OTC: variants seen among roughly 807,000 people sequenced by gnomAD.
OTC encodes the protein ornithine transcarbamylase, mitochondrial.
OTC carries 3 observed loss-of-function variants against 30.3 expected under a neutral mutation model. The ratio of observed to expected loss-of-function variants is 0.10; its 90% CI spans 0.05 to 0.26. The LOEUF (loss-of-function observed/expected upper bound fraction) is 0.26, where lower values mean the gene tolerates loss of function less well. Among genes scored for constraint, OTC ranks in the 10% least tolerant of loss-of-function variants. OTC has a pLI of 1.00. For missense variants in OTC, 194 were observed against 260.3 expected, an observed-to-expected ratio of 0.75 and a Z score of 1.75; for synonymous variants, 111 against 99.7, an observed-to-expected ratio of 1.11 and a Z score of -0.67.
the OTC span, among the ~76,000 whole-genome samples, chrX:38,332,523 T>TATATATATATATATATATATATATATAC: frequency 1.9e-3 from 164 of 86,320 alleles, 3 homozygotes; most frequent in African/African-American, 5.5e-3. Context: ...TATATATATA[T>TATATATATATATATATATATATATATAC]ATATATATAT....
the OTC span, among the ~76,000 whole-genome samples, chrX:38,340,451 G>GTTTT: frequency 2.7e-5 from 1 of 37,001 alleles, no homozygotes; most frequent in Non-Finnish European, 5.4e-5. Context: ...TCCCTTCATT[G>GTTTT]TTTTTTTGTT....
At chrX:38,369,078 T>C (rs2147324545) in intron 2 of OTC, among the ~76,000 whole-genome samples, 1 of 110,894 alleles carries the variant, frequency 9.0e-6, no homozygotes, top group South Asian at 3.9e-4. Flanking sequence ...TAAGTGAAAG[T>C]TGTAGTGCCC....
At chrX:38,342,446 A>G in the OTC span, among the ~76,000 whole-genome samples, 3 of 111,534 alleles carry the variant, frequency 2.7e-5, no homozygotes, top group African/African-American at 9.8e-5. Context: ...CTCTCACCAC[A>G]TGTGCCAATG....
intron 4 of OTC, among the ~76,000 whole-genome samples, chrX:38,399,619 A>AT (rs2068474783): frequency 1.8e-5 from 2 of 110,422 alleles, no homozygotes; most frequent in Non-Finnish European, 3.8e-5. Context: ...TGTGGTGGCG[A>AT]GCCTGTAATC....
chrX:38,418,444 TATTA>T (rs1221188716), intron 9 of OTC, among the ~76,000 whole-genome samples: 2 of 112,469 alleles, frequency 1.8e-5, no homozygotes, highest in East Asian at 2.8e-4. Context: ...CTCTTCACTT[TATTA>T]ATTGTTTCTT....
chrX:38,420,855 C>CAATA (rs768245659), intron 9 of OTC, among the ~76,000 whole-genome samples, 168 bp from the exon 10 acceptor site: 2 of 111,365 alleles, frequency 1.8e-5, no homozygotes, highest in Non-Finnish European at 3.8e-5. Flanking sequence ...TACCCTCCTC[C>CAATA]AATAAATAAA....
chrX:38,366,953 G>A (rs944792399), intron 1 of OTC, among the ~76,000 whole-genome samples: 10 of 111,012 alleles, frequency 9.0e-5, no homozygotes, highest in African/African-American at 2.6e-4. Flanking sequence ...CGAGGCAGGC[G>A]GATCACTTGA....
chrX:38,340,242 A>G, the OTC span, among the ~76,000 whole-genome samples: 1 of 111,466 alleles, frequency 9.0e-6, no homozygotes, highest in Non-Finnish European at 1.9e-5. Flanking sequence ...CACACATCTT[A>G]TTACTTGTAG....
chrX:38,396,123 T>A (rs1431127282), intron 4 of OTC, among the ~76,000 whole-genome samples: 1 of 107,618 alleles, frequency 9.3e-6, no homozygotes, highest in Non-Finnish European at 1.9e-5. Flanking sequence ...CGGCTAATTT[T>A]TTTTTTTTTT....
chrX:38,383,746 C>A (rs1269529012), intron 4 of OTC, among the ~76,000 whole-genome samples: 1 of 107,034 alleles, frequency 9.3e-6, no homozygotes, highest in Non-Finnish European at 1.9e-5. Flanking sequence ...TGCAGTGAGC[C>A]GAGATAGCGC....
At chrX:38,328,481 A>G in the OTC span, among the ~76,000 whole-genome samples, 1 of 112,484 alleles carries the variant, frequency 8.9e-6, no homozygotes, top group Non-Finnish European at 1.9e-5. Flanking sequence ...TGAAGAAAGA[A>G]CATTAAATCT....
the OTC span, among the ~76,000 whole-genome samples, chrX:38,329,291 T>C: frequency 9.0e-6 from 1 of 111,282 alleles, no homozygotes; most frequent in African/African-American, 3.3e-5. Flanking sequence ...GAGTTCATCC[T>C]TGAGCACACT....
chrX:38,374,431 T>G (rs1279245289), intron 3 of OTC, among the ~76,000 whole-genome samples: 2 of 110,433 alleles, frequency 1.8e-5, no homozygotes, highest in East Asian at 5.8e-4. Flanking sequence ...CTTGTGCTTT[T>G]GGGCTGGGAT....
chrX:38,384,222 G>A (rs2068390814), intron 4 of OTC, among the ~76,000 whole-genome samples: 1 of 111,836 alleles, frequency 8.9e-6, no homozygotes, highest in African/African-American at 3.3e-5. Flanking sequence ...GCTGTGCCAT[G>A]AGAACAGGTG....
At chrX:38,363,319 A>T (rs1457489354) in intron 1 of OTC, among the ~76,000 whole-genome samples, 1 of 112,062 alleles carries the variant, frequency 8.9e-6, no homozygotes, top group African/African-American at 3.2e-5. Flanking sequence ...AGGAATATCA[A>T]TGTGTTATTG....
intron 1 of OTC, among the ~76,000 whole-genome samples, chrX:38,366,496 G>A (rs1290787205): frequency 1.8e-5 from 2 of 111,696 alleles, no homozygotes; most frequent in Non-Finnish European, 3.8e-5. Context: ...TTTCTATTGT[G>A]CATTACAAAT....
intron 3 of OTC, among the ~76,000 whole-genome samples, chrX:38,372,095 T>C (rs113006857): frequency 2.0e-3 from 223 of 112,518 alleles, no homozygotes; most frequent in African/African-American, 6.8e-3. Flanking sequence ...TTTCTATGAC[T>C]TTTCCCTGTT....
rs73198448 is a variant in OTC, at chrX:38,399,508, G to T, written c.387-1767G>T. ...TCACGCCTGTAATCCCAGCACTTTG[G>T]GGGGCCGAGGTGGGCGGATCACCTG... On this transcript the variant is annotated intron_variant, in intron 4 of 9. Coordinates refer to ENST00000039007, the MANE Select transcript of OTC (RefSeq NM_000531.6). 2.7e-5 allele frequency among the ~76,000 whole-genome samples: 3 copies of T among 110,443 alleles called. No homozygotes were observed. The East Asian group carries it at 8.4e-4, about 31-fold the overall frequency.
chrX:38,366,161 A>C (rs1007159957), intron 1 of OTC, among the ~76,000 whole-genome samples: 1 of 111,741 alleles, frequency 8.9e-6, no homozygotes, highest in African/African-American at 3.3e-5. Flanking sequence ...GAGGAACTGA[A>C]AGTAAGGAAA....
Sources: allele counts gnomAD v4.1 joint callset (sites outside exome capture counted in the v4.1 genomes callset), GRCh38; gene constraint gnomAD v4.1.1; transcripts MANE v1.5; gene names NCBI Gene and HGNC (gene_info 2026-07-23, HGNC 2026-07-21).